ADGRD1: variants seen among roughly 807,000 people sequenced by gnomAD.
ADGRD1 encodes the protein adhesion G protein-coupled receptor D1, also known as G-protein coupled receptor 133.
In ADGRD1, 77 loss-of-function variants were observed where a neutral mutation model predicts 113.4. The ratio of observed to expected loss-of-function variants is 0.68; its 90% CI spans 0.57 to 0.82. The LOEUF is 0.82. ADGRD1 is among the 40% of genes least tolerant of loss of function. The pLI, the probability that ADGRD1 is intolerant of heterozygous loss-of-function variation, is 0.00. For missense variants in ADGRD1, 1,036 were observed against 1,139.1 expected, an observed-to-expected ratio of 0.91 and a Z score of 1.30; for synonymous variants, 474 against 475.0, an observed-to-expected ratio of 1.00 and a Z score of 0.03.
chr12:131,104,782 G>A lies in ADGRD1; in HGVS notation c.1672-49G>A, dbSNP rs368524921. 85 of 1,349,546 alleles carry A rather than the reference G, an allele frequency of 6.3e-5. No homozygotes were observed. The East Asian group carries it at 6.3e-4, about 10-fold the overall frequency. The allele number at this position is 1,349,546 out of a possible 1,614,324, so 83.6% of individuals were successfully genotyped here. On this transcript the variant is annotated intron_variant, in intron 15 of 24. Coordinates refer to ENST00000261654, the MANE Select transcript of ADGRD1 (RefSeq NM_198827.5). Reference sequence around the variant, plus strand: ...TGGGCCCTCTGCAGCTTCAGGCTCCGATGGGGTGCCTGGGCCTGCTGCTGA... The same window carrying A: ...TGGGCCCTCTGCAGCTTCAGGCTCCAATGGGGTGCCTGGGCCTGCTGCTGA...
At chr12:131,095,547 T>C (rs1285766401) in intron 15 of ADGRD1, among the ~76,000 whole-genome samples, 1 of 152,182 alleles carries the variant, frequency 6.6e-6, no homozygotes, top group African/African-American at 2.4e-5. Context: ...AATTGGGGTC[T>C]TACTCTGTGG....
intron 2 of ADGRD1, among the ~76,000 whole-genome samples, chr12:130,964,873 CTTCTG>C (rs1870833423): frequency 6.6e-6 from 1 of 152,148 alleles, no homozygotes; most frequent in East Asian, 1.9e-4. Context: ...TCTTTATCCT[CTTCTG>C]TTTCTTCTCC....
At chr12:131,071,827 G>C (rs560792876) in intron 13 of ADGRD1, among the ~76,000 whole-genome samples, 8 of 151,828 alleles carry the variant, frequency 5.3e-5, no homozygotes, top group South Asian at 2.1e-4. Context: ...GGTGGCTTCT[G>C]GTCCACGCTG....
chr12:131,088,537 C>G (rs1315389993), intron 15 of ADGRD1, among the ~76,000 whole-genome samples: 1 of 152,156 alleles, frequency 6.6e-6, no homozygotes, highest in Non-Finnish European at 1.5e-5. Flanking sequence ...ATGGAGCCTC[C>G]CGGCCCTGAG....
chr12:131,096,885 G>A lies in ADGRD1; in HGVS notation c.1672-7946G>A, dbSNP rs1011943297. Among the ~76,000 whole-genome samples, 66 of 152,310 alleles carry A rather than the reference G, an allele frequency of 4.3e-4. No homozygotes were observed. Among genetic ancestry groups the A allele is most frequent in the Admixed American group, 1.6e-3 (25 of 15,304 alleles). ...CTGCCCGGCTCTGCCTCCCACGGCCGACCACTGTGCTGAGTTGCAGGTCTG... is the reference window on the plus strand; with the variant it reads ...CTGCCCGGCTCTGCCTCCCACGGCCAACCACTGTGCTGAGTTGCAGGTCTG... On this transcript the variant is annotated intron_variant, in intron 15 of 24. Coordinates refer to ENST00000261654, the MANE Select transcript of ADGRD1 (RefSeq NM_198827.5). The surrounding 1 kb of genome is among the most constrained non-coding windows in gnomAD (Gnocchi z 5.2).
intron 13 of ADGRD1, among the ~76,000 whole-genome samples, chr12:131,049,733 G>A (rs1303464246): frequency 6.6e-6 from 1 of 152,154 alleles, no homozygotes; most frequent in Non-Finnish European, 1.5e-5. Flanking sequence ...CAGAGTGAGG[G>A]CAGGTTTGGG....
intron 13 of ADGRD1, among the ~76,000 whole-genome samples, chr12:131,032,710 A>G (rs12297290): frequency 0.049 from 6,153 of 126,688 alleles, 551 homozygotes; most frequent in African/African-American, 0.21. Context: ...TCGCCACCCC[A>G]TCACAGAGAT....
chr12:131,137,322 C>T (rs960641081), intron 23 of ADGRD1, among the ~76,000 whole-genome samples: 12 of 152,224 alleles, frequency 7.9e-5, no homozygotes, highest in African/African-American at 2.7e-4. Flanking sequence ...GGAAGCTGGC[C>T]TGGCTGTGAG....
At chr12:131,106,777 A>T (rs1348324536) in intron 17 of ADGRD1, among the ~76,000 whole-genome samples, 1 of 152,004 alleles carries the variant, frequency 6.6e-6, no homozygotes, top group Non-Finnish European at 1.5e-5. Flanking sequence ...AGGGCACCCC[A>T]CCTCAGACTC....
intron 20 of ADGRD1, among the ~76,000 whole-genome samples, chr12:131,130,010 G>C (rs1274826251): frequency 6.6e-6 from 1 of 152,236 alleles, no homozygotes; most frequent in South Asian, 2.1e-4. Context: ...CATTAGTCAC[G>C]CGTTTGTCAC....
intron 8 of ADGRD1, 34 bp downstream of exon 8, chr12:130,992,426 G>T: frequency 6.3e-7 from 1 of 1,583,748 alleles, no homozygotes; most frequent in South Asian, 1.1e-5. Context: ...CTGGTGGACC[G>T]GGCGTGGCAC....
At position 131,076,889 on chromosome 12, in the gene ADGRD1, G is replaced by A. The variant is rs746616894; in HGVS notation, c.1547+15G>A. On this transcript the variant is annotated intron_variant, in intron 14 of 24. Transcript: ENST00000261654. ...CTGGACTTCAGGTACCCTCTGCACAGGGGAGAGCAGGTGGGCATGAGGTGT... is the reference window on the plus strand; with the variant it reads ...CTGGACTTCAGGTACCCTCTGCACAAGGGAGAGCAGGTGGGCATGAGGTGT... 11 of 1,610,288 alleles carry A rather than the reference G, an allele frequency of 6.8e-6. 1 individual carries two copies. The South Asian group carries it at 1.2e-4, about 18-fold the overall frequency.
Position 131,020,807 on chromosome 12 carries a change from G to A in ADGRD1, c.1473+6467G>A, listed in dbSNP as rs529678122. Among the ~76,000 whole-genome samples, 12 of 152,352 alleles carry A rather than the reference G, an allele frequency of 7.9e-5. No homozygotes were observed. In the South Asian group the frequency reaches 1.2e-3, roughly 16 times the overall value. ...GGTGTGGCTCTCAGGGGCCAGGCCC[G>A]GGATGGCCAGTGTGAGGAGCAGCCC... On this transcript the variant is annotated intron_variant, in intron 13 of 24. Coordinates refer to ENST00000261654, the MANE Select transcript of ADGRD1 (RefSeq NM_198827.5).
chr12:131,102,169 T>C (rs1950102805), intron 15 of ADGRD1, among the ~76,000 whole-genome samples: 1 of 152,222 alleles, frequency 6.6e-6, no homozygotes, highest in South Asian at 2.1e-4. Flanking sequence ...GACAATTTGC[T>C]AATAATGTCA....
chr12:131,097,815 G>A (rs962066964), intron 15 of ADGRD1, among the ~76,000 whole-genome samples: 4 of 152,238 alleles, frequency 2.6e-5, no homozygotes, highest in Admixed American at 6.5e-5. Context: ...GGGCTGGTGT[G>A]GGGGTGGAGT....
intron 22 of ADGRD1, 73 bp downstream of exon 22, chr12:131,136,236 T>C (rs992586156): frequency 2.0e-5 from 31 of 1,574,274 alleles, no homozygotes; most frequent in Non-Finnish European, 2.6e-5. Flanking sequence ...GAGCTAGGGC[T>C]GCAGGGGCAG....
chr12:131,056,838 C>T (rs1183763871), intron 13 of ADGRD1, among the ~76,000 whole-genome samples: 1 of 152,148 alleles, frequency 6.6e-6, no homozygotes, highest in Non-Finnish European at 1.5e-5. Flanking sequence ...GCACACGCTT[C>T]TGGATGCAAG....
intron 6 of ADGRD1, 35 bp from the exon 7 acceptor site, chr12:130,990,979 T>C (rs1874304697): frequency 1.3e-6 from 2 of 1,585,984 alleles, no homozygotes; most frequent in Non-Finnish European, 1.7e-6. Flanking sequence ...AAAGTGACCA[T>C]GTTTTAGTCC....
At chr12:130,957,128 ACACACC>A (rs1430198017) in intron 2 of ADGRD1, 3 of 152,326 alleles carry the variant, frequency 2.0e-5, no homozygotes, top group Admixed American at 6.5e-5. Flanking sequence ...ACATCCATGC[ACACACC>A]CACACCCACA....
Sources: gnomAD v4.1 joint callset for allele counts (sites outside exome capture counted in the v4.1 genomes callset) on GRCh38, gnomAD v4.1.1 for gene constraint, Gnocchi (gnomAD v3.1) non-coding constraint, MANE v1.5 for transcripts, NCBI Gene and HGNC (gene_info 2026-07-23, HGNC 2026-07-21) for gene names.